PDGFC: variants seen among roughly 807,000 people sequenced by gnomAD.
The protein encoded by PDGFC is platelet-derived growth factor C.
Under a neutral mutation model 35.5 loss-of-function variants are expected in PDGFC, and 12 were observed. That is an observed-to-expected ratio of 0.34 (90% CI 0.22 to 0.55). The LOEUF (loss-of-function observed/expected upper bound fraction) is 0.55. Ranked by LOEUF, PDGFC falls within the 20% of genes least tolerant of loss-of-function variation. The probability of loss-of-function intolerance (pLI) is 0.91; values close to 1 mark genes in which losing one functional copy is unlikely to be tolerated. For synonymous variants in PDGFC, 159 were observed against 148.8 expected (o/e 1.07, Z -0.50); for missense variants, 322 against 412.4 (o/e 0.78, Z 1.90).
intron 1 of PDGFC, among the ~76,000 whole-genome samples, chr4:156,880,140 G>A (rs1579073700): frequency 6.6e-6 from 1 of 152,204 alleles, no homozygotes; most frequent in Non-Finnish European, 1.5e-5. Context: ...GATCGTCGAT[G>A]TAGGTGAAAC....
In PDGFC at chr4:156,971,333, A is replaced by C. The variant is rs1732588347; in HGVS notation, c.-430T>G. 1 of 399,180 alleles carries C rather than the reference A, an allele frequency of 2.5e-6. No homozygotes were observed. The highest frequency in any genetic ancestry group is 1.3e-4 in the South Asian group (1 of 7,920). The allele number at this position is 399,180 out of a possible 1,614,324, so 24.7% of individuals were successfully genotyped here. ...GTTGCCCGCAGCCAGACTGGAAGCC[A>C]AGTCGGCGGCGAGCAGTTTCTGATC... On this transcript the variant is annotated 5_prime_UTR_variant, in exon 1 of 6. Transcript: ENST00000502773.
At chr4:156,781,052 T>C (rs1730967814) in intron 3 of PDGFC, among the ~76,000 whole-genome samples, 1 of 152,136 alleles carries the variant, frequency 6.6e-6, no homozygotes, top group African/African-American at 2.4e-5. Context: ...CCCTTGGTGA[T>C]CTTCTATAGT....
At chr4:156,849,415 TTC>T (rs1729400036) in intron 2 of PDGFC, among the ~76,000 whole-genome samples, 1 of 152,078 alleles carries the variant, frequency 6.6e-6, no homozygotes, top group African/African-American at 2.4e-5. Flanking sequence ...GAGATGAAAA[TTC>T]TCTTTTAACT....
At chr4:156,964,238 C>T (rs1345973470) in intron 1 of PDGFC, among the ~76,000 whole-genome samples, 2 of 151,652 alleles carry the variant, frequency 1.3e-5, no homozygotes, top group African/African-American at 4.8e-5. Context: ...TATTCATCAC[C>T]ATCACTGAAT....
At chr4:156,937,781 A>T (rs1336602908) in intron 1 of PDGFC, among the ~76,000 whole-genome samples, 1 of 152,124 alleles carries the variant, frequency 6.6e-6, no homozygotes, top group African/African-American at 2.4e-5. Context: ...TCTCTAAACT[A>T]TTTCCTGTGT....
chr4:156,914,172 C>G (rs1336478216), intron 1 of PDGFC, among the ~76,000 whole-genome samples: 1 of 152,116 alleles, frequency 6.6e-6, no homozygotes, highest in Non-Finnish European at 1.5e-5. Context: ...AGTGAATACT[C>G]CAGGAATCTA....
At chr4:156,855,733 A>C (rs1185855914) in intron 1 of PDGFC, among the ~76,000 whole-genome samples, 2 of 152,052 alleles carry the variant, frequency 1.3e-5, no homozygotes, top group Non-Finnish European at 2.9e-5. Context: ...ATTTTTCTAC[A>C]TCCTAATGTT....
chr4:156,794,855 G>A lies in PDGFC; in HGVS notation c.495+15982C>T, dbSNP rs576331868. Reference sequence around the variant, plus strand: ...CTTGGATATATATATACCAAGACACGTTACCAATCACCTCTCTATTGACCG... The same window carrying A: ...CTTGGATATATATATACCAAGACACATTACCAATCACCTCTCTATTGACCG... On this transcript the variant is annotated intron_variant, in intron 3 of 5. Coordinates refer to ENST00000502773, the MANE Select transcript of PDGFC (RefSeq NM_016205.3). 1.1e-3 allele frequency among the ~76,000 whole-genome samples: 173 copies of A among 152,142 alleles called. 1 individual carries two copies. The highest frequency in any genetic ancestry group is 3.9e-3 in the African/African-American group (162 of 41,518).
At chr4:156,903,610 A>T in intron 1 of PDGFC, among the ~76,000 whole-genome samples, 1 of 152,144 alleles carries the variant, frequency 6.6e-6, no homozygotes, top group East Asian at 1.9e-4. Context: ...GAGATCCAAT[A>T]ATTAAAGAAT....
intron 1 of PDGFC, among the ~76,000 whole-genome samples, chr4:156,920,776 A>C (rs1245933259): frequency 6.6e-6 from 1 of 152,040 alleles, no homozygotes; most frequent in African/African-American, 2.4e-5. Flanking sequence ...AAAAACTATA[A>C]TTGCCAACCT....
chr4:156,900,702 G>A (rs1023606991), intron 1 of PDGFC, among the ~76,000 whole-genome samples: 3 of 151,976 alleles, frequency 2.0e-5, no homozygotes, highest in African/African-American at 4.8e-5. Context: ...AAATTAGCTG[G>A]GCATGGTAGC....
intron 1 of PDGFC, among the ~76,000 whole-genome samples, chr4:156,899,726 G>C (rs998035315): frequency 2.6e-5 from 4 of 152,134 alleles, no homozygotes; most frequent in African/African-American, 4.8e-5. Context: ...GAGGCAGGAG[G>C]ATTGCTTGAG....
intron 1 of PDGFC, among the ~76,000 whole-genome samples, chr4:156,887,047 A>G (rs1730393086): frequency 6.6e-6 from 1 of 152,222 alleles, no homozygotes. Context: ...CATAATACAC[A>G]TCCTAAAACA....
chr4:156,798,434 G>C (rs917923693), intron 3 of PDGFC, among the ~76,000 whole-genome samples: 4 of 152,130 alleles, frequency 2.6e-5, no homozygotes, highest in Non-Finnish European at 4.4e-5. Context: ...GCAAGGTAGA[G>C]GAAACAGTGA....
intron 2 of PDGFC, among the ~76,000 whole-genome samples, chr4:156,848,511 G>T (rs1239110434): frequency 6.6e-6 from 1 of 151,918 alleles, no homozygotes; most frequent in East Asian, 1.9e-4. Flanking sequence ...TTTCTATGAT[G>T]AAATATTATA....
chr4:156,958,597 G>A (rs1006427043), intron 1 of PDGFC, among the ~76,000 whole-genome samples: 1 of 152,008 alleles, frequency 6.6e-6, no homozygotes, highest in East Asian at 1.9e-4. Context: ...ATGAATAAAT[G>A]TTATGGTATC....
intron 3 of PDGFC, among the ~76,000 whole-genome samples, chr4:156,785,480 C>T (rs1252771839): frequency 6.6e-6 from 1 of 152,128 alleles, no homozygotes; most frequent in Non-Finnish European, 1.5e-5. Context: ...TCCCAAAGTG[C>T]TGGGATTACG....
chr4:156,833,957 C>T (rs936559789), intron 2 of PDGFC, among the ~76,000 whole-genome samples: 1 of 152,092 alleles, frequency 6.6e-6, no homozygotes, highest in Non-Finnish European at 1.5e-5. Context: ...GGTTCTCTAC[C>T]CAGGATCTCA....
intron 1 of PDGFC, among the ~76,000 whole-genome samples, chr4:156,924,715 T>A (rs1731365826): frequency 6.6e-6 from 1 of 152,140 alleles, no homozygotes; most frequent in African/African-American, 2.4e-5. Flanking sequence ...CTTCAGTAAA[T>A]CCCACTGGGA....
Sources: gnomAD v4.1 joint callset for allele counts (sites outside exome capture counted in the v4.1 genomes callset) on GRCh38, gnomAD v4.1.1 for gene constraint, MANE v1.5 for transcripts, NCBI Gene and HGNC (gene_info 2026-07-23, HGNC 2026-07-21) for gene names.